EIF5B: variants seen among roughly 807,000 people sequenced by gnomAD.
The protein encoded by EIF5B is eukaryotic translation initiation factor 5B.
In EIF5B, 47 loss-of-function variants were observed where a neutral mutation model predicts 147.5. The ratio of observed to expected loss-of-function variants is 0.32; its 90% CI spans 0.25 to 0.41. EIF5B has a LOEUF of 0.41. Ranked by LOEUF, EIF5B falls within the 10% of genes least tolerant of loss-of-function variation. EIF5B has a pLI of 1.00. For missense variants in EIF5B, 1,064 were observed against 1,413.2 expected (o/e 0.75, Z 3.96); for synonymous variants, 455 against 456.2 (o/e 1.00, Z 0.03).
rs567054397 is a variant in EIF5B at position 99,369,071 on chromosome 2, A to G, written c.1388-321A>G. ...GCGGATCACCTGAGGTCAGGAGTCC[A>G]AGACCAGCCTGGCCAACATGATGAA... is the stretch of plus-strand genomic sequence containing the variant. On this transcript the variant is annotated intron_variant, in intron 7 of 23. Coordinates refer to ENST00000289371, the MANE Select transcript of EIF5B (RefSeq NM_015904.4). Among the ~76,000 whole-genome samples the G allele has an allele frequency of 2.9e-3, 449 of 152,278 alleles. 4 individuals carry two copies. Among genetic ancestry groups the G allele is most frequent in the African/African-American group, 0.01 (431 of 41,580 alleles).
chr2:99,366,496 G>A (rs1046075297), intron 6 of EIF5B, among the ~76,000 whole-genome samples: 6 of 152,072 alleles, frequency 3.9e-5, no homozygotes, highest in Non-Finnish European at 8.8e-5. Flanking sequence ...TACCATTCTA[G>A]CCATTCTTCA....
chr2:99,377,949 C>A (rs1029484355), intron 10 of EIF5B, among the ~76,000 whole-genome samples: 1 of 152,106 alleles, frequency 6.6e-6, no homozygotes, highest in Admixed American at 6.5e-5. Context: ...CAGTTTGTAA[C>A]TTATTGCCCT....
intron 8 of EIF5B, among the ~76,000 whole-genome samples, chr2:99,370,521 A>G (rs1674426107): frequency 6.6e-6 from 1 of 152,188 alleles, no homozygotes. Context: ...CACTGATATG[A>G]CGAGATTAGA....
chr2:99,385,786 A>G (rs1456944788), intron 14 of EIF5B, among the ~76,000 whole-genome samples: 2 of 152,194 alleles, frequency 1.3e-5, no homozygotes, highest in African/African-American at 4.8e-5. Context: ...TAAGTGTTTA[A>G]TTTGTTTTGA....
Position 99,390,592 on chromosome 2 carries a change from A to T in EIF5B, c.2635A>T (p.Asn879Tyr). The change falls in exon 17 of 24, where the codon AAT becomes TAT. Residue 879 changes from asparagine to tyrosine, a missense_variant. Asn to Tyr is a moderately radical substitution (Grantham distance 143, BLOSUM62 -2). Transcript: ENST00000289371. ...MGTTIDVILINGRLKEGDTII... is the reference protein window; with the variant it reads ...MGTTIDVILIYGRLKEGDTII... Reference sequence around the variant, plus strand: ...CACCACTATAGATGTCATCTTGATCAATGGGCGTTTGAAGGAAGGAGATAC... The same window carrying T: ...CACCACTATAGATGTCATCTTGATCTATGGGCGTTTGAAGGAAGGAGATAC... 1 of 1,613,120 alleles carries T rather than the reference A, an allele frequency of 6.2e-7. No individual in the cohort carries two copies. Among genetic ancestry groups the T allele is most frequent in the Non-Finnish European group, 8.5e-7 (1 of 1,179,190 alleles).
At chr2:99,392,890 T>C in intron 17 of EIF5B, 77 bp from the exon 18 acceptor site, 1 of 1,257,744 alleles carries the variant, frequency 8.0e-7, no homozygotes, top group Non-Finnish European at 1.0e-6. Flanking sequence ...AATATCATGA[T>C]GAGATTCTCT....
At chr2:99,391,678 G>A (rs1270986955) in intron 17 of EIF5B, among the ~76,000 whole-genome samples, 6 of 150,200 alleles carry the variant, frequency 4.0e-5, no homozygotes, top group African/African-American at 1.5e-4. Context: ...AGTGTCTGTA[G>A]ACTTTATGTA....
At chr2:99,375,248 T>C (rs1674538902) in intron 9 of EIF5B, among the ~76,000 whole-genome samples, 1 of 152,218 alleles carries the variant, frequency 6.6e-6, no homozygotes, top group South Asian at 2.1e-4. Context: ...TATAGCTGGA[T>C]ATTTTGCTTG....
intron 1 of EIF5B, among the ~76,000 whole-genome samples, chr2:99,349,848 A>G (rs1673890023): frequency 6.6e-6 from 1 of 152,176 alleles, no homozygotes; most frequent in Admixed American, 6.5e-5. Flanking sequence ...TTGAAGTATA[A>G]TACATTATTG....
chr2:99,356,364 T>G, intron 1 of EIF5B, among the ~76,000 whole-genome samples: 1 of 152,162 alleles, frequency 6.6e-6, no homozygotes, highest in South Asian at 2.1e-4. Flanking sequence ...GAAAATTATG[T>G]TCCACCTCCT....
chr2:99,362,978 C>T (rs1559249076), intron 4 of EIF5B, among the ~76,000 whole-genome samples: 3 of 151,956 alleles, frequency 2.0e-5, no homozygotes, highest in Admixed American at 2.0e-4. Flanking sequence ...AGGCTGGTCT[C>T]GAACTCCTGA....
Position 99,400,761 on chromosome 2 carries a change from A to C in EIF5B, c.*1347A>C, listed in dbSNP as rs866670608. On this transcript the variant is annotated 3_prime_UTR_variant, in exon 24 of 24. Transcript: ENST00000289371. ...CATGCTCCTGTGTTCATGCTTGGAG[A>C]CAAGAATAAGATGGTTTAGAAGCTT... The C allele has an allele frequency of 6.6e-6, 1 of 152,668 alleles. No homozygotes were observed. The highest frequency in any genetic ancestry group is 2.1e-4 in the South Asian group (1 of 4,834). The allele number at this position is 152,668 out of a possible 1,614,324, so 9.5% of individuals were successfully genotyped here.
chr2:99,362,676 G>A (rs1324318327), intron 4 of EIF5B, among the ~76,000 whole-genome samples: 1 of 152,146 alleles, frequency 6.6e-6, no homozygotes, highest in Non-Finnish European at 1.5e-5. Flanking sequence ...TCCAGCCTGG[G>A]CAACAGACTG....
chr2:99,359,402 C>T (rs897907667), intron 1 of EIF5B, among the ~76,000 whole-genome samples: 1 of 151,938 alleles, frequency 6.6e-6, no homozygotes, highest in Non-Finnish European at 1.5e-5. Context: ...ATTTTCTTTA[C>T]TGAACTAAAG....
chr2:99,360,631 G>A lies in EIF5B; in HGVS notation c.246+82G>A, dbSNP rs1674189663. The stretch of plus-strand genomic sequence containing the variant: ...ATGTTGGTTTGGGGAGCTACATTTG[G>A]AAACTTTTGAGCAGTGTACAATATG... On this transcript the variant is annotated intron_variant, in intron 3 of 23. Transcript: ENST00000289371. 6 of 1,391,512 alleles carry A rather than the reference G, an allele frequency of 4.3e-6. No individual in the cohort carries two copies. In the Admixed American group the frequency reaches 1.4e-4, roughly 32 times the overall value. The allele number at this position is 1,391,512 out of a possible 1,614,324, so 86.2% of individuals were successfully genotyped here.
At chr2:99,361,843 A>G (rs1349568664) in intron 4 of EIF5B, 23 bp downstream of exon 4, 2 of 1,498,442 alleles carry the variant, frequency 1.3e-6, no homozygotes, top group Non-Finnish European at 1.8e-6. Flanking sequence ...TTTAGAGGAA[A>G]GAGCAAAAGG....
At chr2:99,390,424 ATTGT>A (rs754080859) in intron 16 of EIF5B, 23 bp downstream of exon 16, 1 of 1,513,622 alleles carries the variant, frequency 6.6e-7, no homozygotes, top group South Asian at 1.2e-5. Flanking sequence ...TTTTCAGTTT[ATTGT>A]TTTTTTTTTT....
intron 1 of EIF5B, among the ~76,000 whole-genome samples, chr2:99,347,150 C>T (rs989094162): frequency 6.6e-5 from 10 of 151,930 alleles, no homozygotes; most frequent in Non-Finnish European, 8.8e-5. Context: ...GGACTACAGA[C>T]GCATGCCACC....
intron 1 of EIF5B, among the ~76,000 whole-genome samples, chr2:99,353,503 G>T (rs1301345022): frequency 1.3e-5 from 2 of 152,164 alleles, no homozygotes; most frequent in South Asian, 2.1e-4. Context: ...ATTATATTCA[G>T]GTTTGCCGAG....
Sources: allele counts gnomAD v4.1 joint callset (sites outside exome capture counted in the v4.1 genomes callset), GRCh38; gene constraint gnomAD v4.1.1; transcripts MANE v1.5; gene names NCBI Gene and HGNC (gene_info 2026-07-23, HGNC 2026-07-21).